The following HPSE2 variants were observed in gnomAD, a reference collection of about 807,000 sequenced individuals.
HPSE2 encodes the protein inactive heparanase-2.
A neutral mutation model predicts 60.5 loss-of-function variants in HPSE2; 38 were observed. That is an observed-to-expected ratio of 0.63 (90% CI 0.48 to 0.82). HPSE2 has a LOEUF of 0.82. Among genes scored for constraint, HPSE2 ranks in the 40% least tolerant of loss-of-function variants. The probability of loss-of-function intolerance (pLI) is 0.00; values close to 1 mark genes in which losing one functional copy is unlikely to be tolerated. For missense variants in HPSE2, 713 were observed against 740.4 expected (o/e 0.96, Z 0.43); for synonymous variants, 295 against 293.2 (o/e 1.01, Z -0.06).
the HPSE2 span, among the ~76,000 whole-genome samples, chr10:99,277,815 C>T: frequency 3.2e-4 from 48 of 152,016 alleles, no homozygotes; most frequent in Non-Finnish European, 5.9e-4. Flanking sequence ...AACTGATATG[C>T]GGCCGGGCAT....
intron 3 of HPSE2, among the ~76,000 whole-genome samples, chr10:98,949,052 T>C (rs911529414): frequency 4.0e-5 from 6 of 151,692 alleles, no homozygotes; most frequent in African/African-American, 1.5e-4. Flanking sequence ...GCACGGGGAG[T>C]TGGTGCCCCC....
intron 3 of HPSE2, among the ~76,000 whole-genome samples, chr10:99,113,428 T>C (rs1286583221): frequency 1.3e-5 from 2 of 152,190 alleles, no homozygotes; most frequent in East Asian, 1.9e-4. Context: ...TATATACTTA[T>C]TGATAAAACA....
intron 3 of HPSE2, among the ~76,000 whole-genome samples, chr10:98,905,644 T>A (rs1953795079): frequency 6.6e-6 from 1 of 152,174 alleles, no homozygotes; most frequent in Non-Finnish European, 1.5e-5. Context: ...TATAAAATTT[T>A]TCTCAATAAA....
intron 6 of HPSE2, among the ~76,000 whole-genome samples, chr10:98,689,397 T>C (rs1033960777): frequency 1.3e-5 from 2 of 152,220 alleles, no homozygotes; most frequent in African/African-American, 4.8e-5. Flanking sequence ...TGAGTTTCCA[T>C]TTCAGATACT....
intron 3 of HPSE2, among the ~76,000 whole-genome samples, chr10:98,986,874 A>C (rs1956371031): frequency 6.6e-6 from 1 of 152,222 alleles, no homozygotes; most frequent in South Asian, 2.1e-4. Context: ...CCTCTACGGA[A>C]ATAAACTAGA....
chr10:98,866,198 C>T (rs1952583682), intron 3 of HPSE2, among the ~76,000 whole-genome samples: 1 of 151,928 alleles, frequency 6.6e-6, no homozygotes. Flanking sequence ...AATTGAATTT[C>T]TAGAGATGAA....
chr10:99,071,069 C>CTTT (rs35699449), intron 3 of HPSE2, among the ~76,000 whole-genome samples: 2 of 132,590 alleles, frequency 1.5e-5, no homozygotes, highest in East Asian at 2.2e-4. Flanking sequence ...ATTTTTAATT[C>CTTT]TTTTTTTTTT....
chr10:98,984,825 C>A (rs756227120), intron 3 of HPSE2, among the ~76,000 whole-genome samples: 2 of 152,128 alleles, frequency 1.3e-5, no homozygotes, highest in African/African-American at 2.4e-5. Context: ...AACCACGGCA[C>A]GAGAACTACG....
At chr10:98,735,186 G>A (rs1269400676) in intron 4 of HPSE2, among the ~76,000 whole-genome samples, 1 of 71,868 alleles carries the variant, frequency 1.4e-5, no homozygotes, top group East Asian at 5.2e-4. Flanking sequence ...GCAGTAAATT[G>A]GTACCGGGTA....
At chr10:99,176,890 A>C (rs1847546883) in intron 2 of HPSE2, among the ~76,000 whole-genome samples, 1 of 152,174 alleles carries the variant, frequency 6.6e-6, no homozygotes, top group Admixed American at 6.5e-5. Flanking sequence ...GATTATCCAC[A>C]AAGGGAAGCC....
At chr10:99,188,870 G>C (rs542352429) in intron 2 of HPSE2, among the ~76,000 whole-genome samples, 89 of 152,318 alleles carry the variant, frequency 5.8e-4, no homozygotes, top group Non-Finnish European at 9.3e-4. Flanking sequence ...ACTAGTCTGT[G>C]TGCTCATGAC....
At chr10:99,211,646 T>A in intron 2 of HPSE2, among the ~76,000 whole-genome samples, 1 of 152,092 alleles carries the variant, frequency 6.6e-6, no homozygotes, top group East Asian at 1.9e-4. Context: ...GTTGAGAAAC[T>A]GGATATCCAC....
chr10:99,132,523 G>T (rs1194095982), intron 3 of HPSE2, among the ~76,000 whole-genome samples: 3 of 152,064 alleles, frequency 2.0e-5, no homozygotes, highest in Non-Finnish European at 4.4e-5. Context: ...GGTGATTTCT[G>T]CATTTCCAAC....
chr10:98,831,399 T>C (rs1485078531), intron 3 of HPSE2, among the ~76,000 whole-genome samples: 2 of 152,250 alleles, frequency 1.3e-5, no homozygotes, highest in East Asian at 3.9e-4. Flanking sequence ...GTACTACGAA[T>C]CAACTAACTC....
At chr10:98,640,502 T>C (rs968146052) in intron 7 of HPSE2, among the ~76,000 whole-genome samples, 4 of 152,178 alleles carry the variant, frequency 2.6e-5, no homozygotes, top group Non-Finnish European at 2.9e-5. Context: ...GACATTGGGA[T>C]GAATACAAAA....
intron 3 of HPSE2, among the ~76,000 whole-genome samples, chr10:98,898,289 G>A (rs1953555203): frequency 1.3e-5 from 2 of 152,096 alleles, no homozygotes; most frequent in South Asian, 4.1e-4. Context: ...GAATGTTACA[G>A]CATCTTTATT....
In HPSE2 at chr10:98,573,573, G is replaced by C. The variant is rs144022373; in HGVS notation, c.1320+41331C>G. On this transcript the variant is annotated intron_variant, in intron 9 of 11. Coordinates refer to ENST00000370552, the MANE Select transcript of HPSE2 (RefSeq NM_021828.5). ...GTGAAATGGGGTGAGAGCGTTTCCCGCTTGACTCCTGCTCTTAGGATGGAA... is the reference window on the plus strand; with the variant it reads ...GTGAAATGGGGTGAGAGCGTTTCCCCCTTGACTCCTGCTCTTAGGATGGAA... Among the ~76,000 whole-genome samples, 8 of 152,264 alleles carry C rather than the reference G, an allele frequency of 5.3e-5. No homozygotes were observed. In the East Asian group the frequency reaches 1.5e-3, roughly 29 times the overall value.
chr10:98,857,752 T>A (rs958688423), intron 3 of HPSE2, among the ~76,000 whole-genome samples: 1 of 152,162 alleles, frequency 6.6e-6, no homozygotes, highest in Admixed American at 6.5e-5. Flanking sequence ...AAGGACTTGA[T>A]TGAAGACAGT....
chr10:99,143,358 G>T (rs935033943), intron 3 of HPSE2, among the ~76,000 whole-genome samples: 27 of 152,126 alleles, frequency 1.8e-4, no homozygotes, highest in African/African-American at 6.3e-4. Flanking sequence ...AAAAAAAAAA[G>T]TTAAAGTTTT....
Sources: gnomAD v4.1 joint callset for allele counts (sites outside exome capture counted in the v4.1 genomes callset) on GRCh38, gnomAD v4.1.1 for gene constraint, MANE v1.5 for transcripts, NCBI Gene and HGNC (gene_info 2026-07-23, HGNC 2026-07-21) for gene names.